Variants in SMARCAL1 observed in about 807,000 individuals in gnomAD.
SMARCAL1 encodes SNF2 related chromatin remodeling annealing helicase 1.
SMARCAL1 carries 58 observed loss-of-function variants against 94.5 expected under a neutral mutation model. The ratio of observed to expected loss-of-function variants is 0.61; its 90% CI spans 0.50 to 0.76. The LOEUF is 0.76. Among genes scored for constraint, SMARCAL1 ranks in the 30% least tolerant of loss-of-function variants. The pLI, the probability that SMARCAL1 is intolerant of heterozygous loss-of-function variation, is 0.00. For synonymous variants in SMARCAL1, 422 were observed against 455.1 expected (o/e 0.93, Z 0.93); for missense variants, 1,051 against 1,177.9 (o/e 0.89, Z 1.58).
chr2:216,468,427 A>G (rs1467581701), intron 14 of SMARCAL1, among the ~76,000 whole-genome samples: 2 of 152,200 alleles, frequency 1.3e-5, no homozygotes, highest in Admixed American at 6.5e-5. Flanking sequence ...CCTCCTCAGC[A>G]CTGTCAAAGC....
chr2:216,453,011 C>G (rs908337643), intron 12 of SMARCAL1, among the ~76,000 whole-genome samples: 1 of 152,184 alleles, frequency 6.6e-6, no homozygotes, highest in Non-Finnish European at 1.5e-5. Flanking sequence ...AGAAACGGAG[C>G]CACAACTCCC....
intron 4 of SMARCAL1, among the ~76,000 whole-genome samples, chr2:216,419,082 C>A (rs1418006050): frequency 6.6e-6 from 1 of 152,168 alleles, no homozygotes; most frequent in Non-Finnish European, 1.5e-5. Flanking sequence ...CACCTTCGTA[C>A]CTAAGTTTTT....
chr2:216,448,274 A>C (rs1426923376), intron 11 of SMARCAL1, among the ~76,000 whole-genome samples: 1 of 152,166 alleles, frequency 6.6e-6, no homozygotes, highest in Non-Finnish European at 1.5e-5. Flanking sequence ...TATAGTTTTC[A>C]TGGTCCCTCA....
intron 12 of SMARCAL1, among the ~76,000 whole-genome samples, chr2:216,456,347 C>A (rs542147118): frequency 6.6e-6 from 1 of 152,222 alleles, no homozygotes; most frequent in South Asian, 2.1e-4. Flanking sequence ...ACAGAGAACG[C>A]CACAAAGATA....
intron 11 of SMARCAL1, among the ~76,000 whole-genome samples, chr2:216,447,779 C>T (rs1037892690): frequency 2.6e-5 from 4 of 152,346 alleles, no homozygotes; most frequent in East Asian, 3.9e-4. Context: ...TCAGGACCTA[C>T]AGTCGGCACT....
intron 4 of SMARCAL1, 77 bp from the exon 5 acceptor site, chr2:216,420,222 C>G: frequency 8.3e-7 from 1 of 1,207,568 alleles, no homozygotes; most frequent in African/African-American, 1.5e-5. Flanking sequence ...CTTTCTCCCT[C>G]TTCCCTTGCC....
intron 10 of SMARCAL1, among the ~76,000 whole-genome samples, chr2:216,438,808 G>C (rs1694134200): frequency 6.6e-6 from 1 of 152,140 alleles, no homozygotes; most frequent in South Asian, 2.1e-4. Flanking sequence ...TTAGATAAGA[G>C]AGAGCCTCTA....
At chr2:216,419,676 C>T (rs1353443644) in intron 4 of SMARCAL1, among the ~76,000 whole-genome samples, 1 of 152,098 alleles carries the variant, frequency 6.6e-6, no homozygotes, top group Non-Finnish European at 1.5e-5. Context: ...TAAGTTTATT[C>T]ATCCTGGCGA....
rs142801547 is a variant in SMARCAL1, at chr2:216,474,991, A to C, written c.2245-278A>C. Among the ~76,000 whole-genome samples, 1,352 of 152,350 alleles carry C rather than the reference A, an allele frequency of 8.9e-3. 17 individuals carry two copies. Among genetic ancestry groups the C allele is most frequent in the African/African-American group, 0.031 (1,298 of 41,586 alleles). ...AAGATCAGTGGATTGTATAGAAGTC[A>C]GCATCCTGGCTGTGGTATTATACTA... On this transcript the variant is annotated intron_variant, in intron 14 of 17. Coordinates refer to ENST00000357276, the MANE Select transcript of SMARCAL1 (RefSeq NM_014140.4).
At chr2:216,433,078 A>G (rs1029261871) in intron 8 of SMARCAL1, among the ~76,000 whole-genome samples, 3 of 152,168 alleles carry the variant, frequency 2.0e-5, no homozygotes, top group Non-Finnish European at 4.4e-5. Context: ...AAGAAAGCCA[A>G]GGAGAAACCG....
At position 216,441,115 on chromosome 2, in the gene SMARCAL1, T is replaced by C. The variant is rs532202210; in HGVS notation, c.1710+2630T>C. Among the ~76,000 whole-genome samples the C allele has an allele frequency of 1.4e-4, 21 of 152,352 alleles. No homozygotes were observed. The East Asian group carries it at 3.9e-3, about 28-fold the overall frequency. On this transcript the variant is annotated intron_variant, in intron 10 of 17. Coordinates refer to ENST00000357276, the MANE Select transcript of SMARCAL1 (RefSeq NM_014140.4). The stretch of plus-strand genomic sequence containing the variant: ...CTAATATGAACATCTCTTAGAACTA[T>C]ATTCTGATAATTAATATTACAAGCA...
At chr2:216,422,755 C>A (rs1034824384) in intron 5 of SMARCAL1, among the ~76,000 whole-genome samples, 1 of 152,196 alleles carries the variant, frequency 6.6e-6, no homozygotes, top group Non-Finnish European at 1.5e-5. Context: ...GAAGAATGAA[C>A]TTTTGCTGCC....
intron 17 of SMARCAL1, among the ~76,000 whole-genome samples, chr2:216,481,123 A>G (rs751924890): frequency 3.3e-5 from 5 of 152,194 alleles, no homozygotes; most frequent in African/African-American, 4.8e-5. Context: ...TATAAAAACT[A>G]GACTTATGGG....
At chr2:216,423,722 G>A in intron 6 of SMARCAL1, 39 bp downstream of exon 6, 3 of 1,520,268 alleles carry the variant, frequency 2.0e-6, no homozygotes, top group South Asian at 1.1e-5. Flanking sequence ...TCATGCTATT[G>A]TTAAGCTTTA....
At chr2:216,457,364 A>G (rs1694590016) in intron 12 of SMARCAL1, among the ~76,000 whole-genome samples, 1 of 152,158 alleles carries the variant, frequency 6.6e-6, no homozygotes, top group South Asian at 2.1e-4. Context: ...AGAACTCTCC[A>G]CCCCAAATCA....
intron 16 of SMARCAL1, among the ~76,000 whole-genome samples, 182 bp from the exon 17 acceptor site, chr2:216,478,021 G>T (rs1695126025): frequency 2.0e-5 from 3 of 152,170 alleles, no homozygotes. Context: ...GCCCTAAATT[G>T]GAGTTTTTAC....
chr2:216,423,542 G>A, intron 5 of SMARCAL1, 91 bp from the exon 6 acceptor site: 1 of 1,114,146 alleles, frequency 9.0e-7, no homozygotes, highest in Non-Finnish European at 1.4e-6. Context: ...CTGAATGGAA[G>A]TTTATGAAAC....
chr2:216,468,843 T>C (rs116035511), intron 14 of SMARCAL1, among the ~76,000 whole-genome samples: 23,949 of 152,028 alleles, frequency 0.16, 2,060 homozygotes, highest in South Asian at 0.25. Flanking sequence ...GCCTCAGCCT[T>C]CCAAGTAGCT....
chr2:216,459,234 G>C (rs1033061129), intron 12 of SMARCAL1, among the ~76,000 whole-genome samples: 1 of 152,050 alleles, frequency 6.6e-6, no homozygotes, highest in African/African-American at 2.4e-5. Flanking sequence ...AGGAGGAATC[G>C]ATATCATGAA....
Sources: allele counts gnomAD v4.1 joint callset (sites outside exome capture counted in the v4.1 genomes callset), GRCh38; gene constraint gnomAD v4.1.1; transcripts MANE v1.5; gene names NCBI Gene and HGNC (gene_info 2026-07-23, HGNC 2026-07-21).